Variants in PTRH1 observed in about 807,000 individuals in gnomAD.
PTRH1 encodes peptidyl-tRNA hydrolase.
In PTRH1, 13 loss-of-function variants were observed where a neutral mutation model predicts 15.7. That is an observed-to-expected ratio of 0.83 (90% confidence interval 0.54 to 1.31). PTRH1 has a LOEUF of 1.31. Ranked by LOEUF, PTRH1 falls within the 40% of genes most tolerant of loss-of-function variation. PTRH1 has a pLI of 0.00. For synonymous variants in PTRH1, 139 were observed against 136.7 expected (o/e 1.02, Z -0.12); for missense variants, 319 against 296.2 (o/e 1.08, Z -0.56).
intron 1 of PTRH1, among the ~76,000 whole-genome samples, chr9:127,707,406 T>C (rs1033296846): frequency 3.3e-5 from 5 of 152,130 alleles, no homozygotes; most frequent in Non-Finnish European, 7.4e-5. Context: ...CCTTCCCAGC[T>C]CCTAGAACCC....
intron 1 of PTRH1, among the ~76,000 whole-genome samples, chr9:127,697,429 G>A (rs577972578): frequency 2.0e-5 from 3 of 152,194 alleles, no homozygotes; most frequent in Non-Finnish European, 4.4e-5. Context: ...GGAGGCCGAG[G>A]TGGGCGGATC....
chr9:127,714,939 T>TTG, intron 2 of PTRH1, 36 bp downstream of exon 2: 10 of 407,866 alleles, frequency 2.5e-5, no homozygotes, highest in South Asian at 1.0e-4. Context: ...CCCACCCCCT[T>TTG]GGCCCGCCCG....
downstream of PTRH1, chr9:127,713,800 C>A: frequency 1.3e-6 from 2 of 1,598,064 alleles, no homozygotes; most frequent in African/African-American, 1.3e-5. Flanking sequence ...AGCCACTGCA[C>A]CCGGCCTCCA....
chr9:127,710,979 A>G (rs948411463), downstream of PTRH1, among the ~76,000 whole-genome samples: 3 of 152,190 alleles, frequency 2.0e-5, no homozygotes, highest in Admixed American at 1.3e-4. Context: ...GGAGACTCCC[A>G]GGGCTTCCTT....
chr9:127,714,467 A>C (rs1449501851), intron 3 of PTRH1, 43 bp from the exon 4 acceptor site: 1 of 1,612,110 alleles, frequency 6.2e-7, no homozygotes, highest in Non-Finnish European at 8.5e-7. Context: ...TCCCTGGGGC[A>C]GTGTCCTTCC....
In PTRH1 at chr9:127,714,715, A is replaced by T. The variant is rs750742790; in HGVS notation, c.317-13T>A. 6.2e-7 allele frequency: 1 copy of T among 1,602,610 alleles called. No individual in the cohort carries two copies. The highest frequency in any genetic ancestry group is 1.1e-5 in the South Asian group (1 of 89,646). On this transcript the variant is annotated splice_polypyrimidine_tract_variant and intron_variant, in intron 2 of 4. Coordinates refer to ENST00000543175, the MANE Select transcript of PTRH1 (RefSeq NM_001002913.3). ...CCAAACAGCTCCGCTTAGCACAGGG[A>T]AACGGCAGCCCTGGTTACTGCCCAT... is the stretch of plus-strand genomic sequence containing the variant.
In PTRH1 at chr9:127,715,377, G is replaced by T; in HGVS notation, c.96+167C>A. ...CTCCAGAAGGCTGGGCAGGCAGGGC[G>T]CCCTAGTGCAGGAACGGAGCTTCAA... is the stretch of plus-strand genomic sequence containing the variant. On this transcript the variant is annotated intron_variant, in intron 1 of 4. Transcript: ENST00000543175. This position sits in a 1 kb window ranked among gnomAD's most constrained non-coding sequence, Gnocchi z 5.8. 2 of 1,249,966 alleles carry T rather than the reference G, an allele frequency of 1.6e-6. No homozygotes were observed. Among genetic ancestry groups the T allele is most frequent in the Non-Finnish European group, 2.3e-6 (2 of 883,338 alleles). The allele number at this position is 1,249,966 out of a possible 1,614,324, so 77.4% of individuals were successfully genotyped here. A position where few individuals can be genotyped will look rare whatever the true frequency, so the allele number is the denominator to read the frequency against.
chr9:127,714,962 G>T lies in PTRH1; in HGVS notation c.316+13C>A. 3 of 300,778 alleles carry T rather than the reference G, an allele frequency of 1.0e-5. No homozygotes were observed. Among genetic ancestry groups the T allele is most frequent in the Non-Finnish European group, 1.7e-5 (3 of 178,608 alleles). 18.6% of individuals were successfully genotyped at this position (300,778 alleles called of 1,614,324 possible). On this transcript the variant is annotated intron_variant, in intron 2 of 4. Transcript: ENST00000543175. ...CTTGGCCCGCCCGCCCACCCCTGGC[G>T]CTCTCAACTCACCAGCCCGGGCCAC...
downstream of PTRH1, chr9:127,711,925 C>T: frequency 6.2e-7 from 1 of 1,606,104 alleles, no homozygotes; most frequent in Non-Finnish European, 8.5e-7. Flanking sequence ...ATCCCTGCAG[C>T]TGCAGGTGGA....
chr9:127,712,848 C>G, downstream of PTRH1: 1 of 1,613,070 alleles, frequency 6.2e-7, no homozygotes, highest in Non-Finnish European at 8.5e-7. Context: ...CACCAGGAGT[C>G]ACAGTCCCAT....
downstream of PTRH1, chr9:127,711,975 G>T: frequency 1.9e-6 from 3 of 1,592,108 alleles, no homozygotes; most frequent in Non-Finnish European, 2.6e-6. Flanking sequence ...CGGAGGGGCG[G>T]GCGGCGGGTG....
In PTRH1 at chr9:127,715,404, A is replaced by C; in HGVS notation, c.96+140T>G. ...CCTAGTGCAGGAACGGAGCTTCAAG[A>C]AGTTTGGAGCCCGTCGAGCACTGAA... On this transcript the variant is annotated intron_variant, in intron 1 of 4. Transcript: ENST00000543175. The surrounding 1 kb of genome is among the most constrained non-coding windows in gnomAD (Gnocchi z 5.8). 7.4e-7 allele frequency: 1 copy of C among 1,346,052 alleles called. No homozygotes were observed. Among genetic ancestry groups the C allele is most frequent in the Non-Finnish European group, 1.0e-6 (1 of 968,158 alleles). The allele number at this position is 1,346,052 out of a possible 1,614,324, so 83.4% of individuals were successfully genotyped here.
At position 127,715,613 on chromosome 9, in the gene PTRH1, G is replaced by C. The variant is rs769831735; in HGVS notation, c.27C>G (p.Ala9=). Reference sequence around the variant, plus strand: ...TCATGGCTCTACTCAGCCGCTGTCCGGCGCCCAAAAAGCCGCCCGGCCTCA... The same window carrying C: ...TCATGGCTCTACTCAGCCGCTGTCCCGCGCCCAAAAAGCCGCCCGGCCTCA... MRPGGFLG[A]GQRLSRAMSR... is the part of the protein sequence containing the mutation. The change falls in exon 1 of 5, where the codon GCC becomes GCG. Residue 9 remains alanine (A), a synonymous_variant. Transcript: ENST00000543175. This position sits in a 1 kb window ranked among gnomAD's most constrained non-coding sequence, Gnocchi z 5.8. 6.2e-6 allele frequency: 10 copies of C among 1,612,764 alleles called. No homozygotes were observed. Among genetic ancestry groups the C allele is most frequent in the South Asian group, 2.2e-5 (2 of 91,052 alleles).
At chr9:127,709,708 G>C (rs1336791472), downstream of PTRH1, 3 of 1,608,218 alleles carry the variant, frequency 1.9e-6, no homozygotes, top group Non-Finnish European at 2.5e-6. The surrounding 1 kb of genome is among the most constrained non-coding windows in gnomAD (Gnocchi z 4.7). Flanking sequence ...GGAGGGGACT[G>C]GCTGGTGAGC....
intron 3 of PTRH1, 60 bp downstream of exon 3, chr9:127,714,543 C>T: frequency 6.3e-7 from 1 of 1,594,802 alleles, no homozygotes; most frequent in Non-Finnish European, 8.6e-7. Flanking sequence ...AGCAGCCCTA[C>T]TCCACCCCAA....
chr9:127,708,199 C>T (rs371235009), intron 1 of PTRH1, among the ~76,000 whole-genome samples: 278 of 152,280 alleles, frequency 1.8e-3, no homozygotes, highest in Middle Eastern at 0.017. Flanking sequence ...ACTTTCCAGG[C>T]CAGGCACAGT....
At chr9:127,711,639 G>A, downstream of PTRH1, 1 of 1,202,758 alleles carries the variant, frequency 8.3e-7, no homozygotes, top group Non-Finnish European at 1.1e-6. Context: ...TGTGGGGGCT[G>A]CAGGGTGCTG....
At chr9:127,714,920 G>GCCCCCACCCCCCC in intron 2 of PTRH1, 55 bp downstream of exon 2, 4 of 454,976 alleles carry the variant, frequency 8.8e-6, no homozygotes, top group East Asian at 4.5e-5. Context: ...TGGCCCCCGC[G>GCCCCCACCCCCCC]CCCCAACCCC....
Position 127,715,416 on chromosome 9 carries a change from C to T in PTRH1, c.96+128G>A. 2 of 1,389,626 alleles carry T rather than the reference C, an allele frequency of 1.4e-6. No homozygotes were observed. Among genetic ancestry groups the T allele is most frequent in the Middle Eastern group, 1.8e-4 (1 of 5,698 alleles). 86.1% of individuals were successfully genotyped at this position (1,389,626 alleles called of 1,614,324 possible). A position where few individuals can be genotyped will look rare whatever the true frequency, so the allele number is the denominator to read the frequency against. On this transcript the variant is annotated intron_variant, in intron 1 of 4. Transcript: ENST00000543175. This position sits in a 1 kb window ranked among gnomAD's most constrained non-coding sequence, Gnocchi z 5.8. ...ACGGAGCTTCAAGAAGTTTGGAGCCCGTCGAGCACTGAACTCACCAGTTAA... is the reference window on the plus strand; with the variant it reads ...ACGGAGCTTCAAGAAGTTTGGAGCCTGTCGAGCACTGAACTCACCAGTTAA...
Sources: gnomAD v4.1 joint callset for allele counts (sites outside exome capture counted in the v4.1 genomes callset) on GRCh38, gnomAD v4.1.1 for gene constraint, Gnocchi (gnomAD v3.1) non-coding constraint, MANE v1.5 for transcripts, NCBI Gene and HGNC (gene_info 2026-07-23, HGNC 2026-07-21) for gene names.